The following SLC5A7 variants were observed in gnomAD, a reference collection of about 807,000 sequenced individuals.
The protein encoded by SLC5A7 is high affinity choline transporter 1.
In SLC5A7, 19 loss-of-function variants were observed where a neutral mutation model predicts 55.4. That is an observed-to-expected ratio of 0.34 (90% CI 0.24 to 0.50). The LOEUF (loss-of-function observed/expected upper bound fraction) is 0.50. SLC5A7 is among the 20% of genes least tolerant of loss of function. SLC5A7 has a pLI of 0.98. For synonymous variants in SLC5A7, 265 were observed against 263.7 expected (o/e 1.00, Z -0.05); for missense variants, 506 against 705.3 (o/e 0.72, Z 3.20).
rs186691647 is a variant in SLC5A7 at position 107,988,238 on chromosome 2, G to A, written c.83G>A (p.Arg28Lys). ...ILLVGIWAAW[R>K]TKNSGSAEER... is the part of the protein sequence containing the mutation. ...CTGGTTGGAATATGGGCTGCCTGGA[G>A]AACCAAAAACAGTGGCAGCGCAGAA... Residue 28 changes from arginine to lysine, a missense_variant, in exon 2 of 9, where the codon AGA becomes AAA. Arg to Lys is a conservative substitution (Grantham distance 26). Around this residue, in one of 4 missense-constraint regions of SLC5A7, gnomAD observed 56 missense variants for 62.6 expected, o/e 0.89. Coordinates refer to ENST00000264047, the MANE Select transcript of SLC5A7 (RefSeq NM_021815.5). 6.2e-7 allele frequency: 1 copy of A among 1,614,178 alleles called. No individual in the cohort carries two copies. Among genetic ancestry groups the A allele is most frequent in the East Asian group, 2.2e-5 (1 of 44,878 alleles).
At chr2:107,988,989 AG>A (rs1573588083) in intron 2 of SLC5A7, among the ~76,000 whole-genome samples, 1 of 152,244 alleles carries the variant, frequency 6.6e-6, no homozygotes, top group African/African-American at 2.4e-5. Context: ...AGGAATCCCC[AG>A]GCCACCATCT....
chr2:107,989,072 G>C (rs1465052621), intron 2 of SLC5A7, among the ~76,000 whole-genome samples: 9 of 152,106 alleles, frequency 5.9e-5, no homozygotes, highest in Admixed American at 5.9e-4. Flanking sequence ...GCACTAAAGT[G>C]GTTCTGTTTA....
rs1678366641 is a variant in SLC5A7 at position 108,012,422 on chromosome 2, A to T, written c.*1561A>T. 6.6e-6 allele frequency: 1 copy of T among 152,194 alleles called. No individual in the cohort carries two copies. The highest frequency in any genetic ancestry group is 1.5e-5 in the Non-Finnish European group (1 of 68,020). The allele number at this position is 152,194 out of a possible 1,614,324, so 9.4% of individuals were successfully genotyped here. On this transcript the variant is annotated 3_prime_UTR_variant, in exon 9 of 9. Transcript: ENST00000264047. The stretch of plus-strand genomic sequence containing the variant: ...GAAGTTAACTTAGTGTTTAGCATTA[A>T]AAATAAAAGTTGTACCTTGACCCTA...
In SLC5A7 at chr2:108,006,127, TC is replaced by T; in HGVS notation, c.822del (p.Phe275SerfsTer9). 1 of 1,614,140 alleles carries T rather than the reference TC, an allele frequency of 6.2e-7. No individual in the cohort carries two copies. The highest frequency in any genetic ancestry group is 8.5e-7 in the Non-Finnish European group (1 of 1,180,012). On this transcript the variant is annotated frameshift_variant, in exon 7 of 9. Coordinates refer to ENST00000264047, the MANE Select transcript of SLC5A7 (RefSeq NM_021815.5). LOFTEE classifies it high-confidence loss of function. ...SSSATYAQVL[S>X]FLAAFGCLVM... The stretch of plus-strand genomic sequence containing the variant: ...CTCAGCCACCTATGCTCAAGTGCTG[TC>T]CTTCCTGGCAGCTTTCGGGTGCCTG...
At chr2:107,994,674 T>C (rs1297977015) in intron 4 of SLC5A7, among the ~76,000 whole-genome samples, 3 of 152,218 alleles carry the variant, frequency 2.0e-5, no homozygotes, top group Non-Finnish European at 4.4e-5. Flanking sequence ...GCTGCTCTTA[T>C]GTTCTAATGA....
chr2:108,005,426 CAAATT>C (rs1678070894), intron 6 of SLC5A7, among the ~76,000 whole-genome samples: 1 of 152,126 alleles, frequency 6.6e-6, no homozygotes, highest in Non-Finnish European at 1.5e-5. Context: ...CAGATGATAA[CAAATT>C]GAAGGCCTCT....
Position 108,012,379 on chromosome 2 carries a change from G to GC in SLC5A7, c.*1519dup, listed in dbSNP as rs1678365395. 1 of 152,086 alleles carries GC rather than the reference G, an allele frequency of 6.6e-6. No homozygotes were observed. The highest frequency in any genetic ancestry group is 2.4e-5 in the African/African-American group (1 of 41,436). The allele number at this position is 152,086 out of a possible 1,614,324, so 9.4% of individuals were successfully genotyped here. A position where few individuals can be genotyped will look rare whatever the true frequency, so the allele number is the denominator to read the frequency against. The stretch of plus-strand genomic sequence containing the variant: ...GCACTTCTTTTCCAAAAATACTTCT[G>GC]CAACTCATGAACAAAATGAAGTTAA... On this transcript the variant is annotated 3_prime_UTR_variant, in exon 9 of 9. Coordinates refer to ENST00000264047, the MANE Select transcript of SLC5A7 (RefSeq NM_021815.5).
intron 5 of SLC5A7, among the ~76,000 whole-genome samples, chr2:107,999,234 T>C (rs1677793338): frequency 6.6e-6 from 1 of 152,222 alleles, no homozygotes; most frequent in African/African-American, 2.4e-5. Flanking sequence ...GCTGAAATTC[T>C]GATTTTTCCT....
chr2:107,998,906 C>G (rs546901781), intron 5 of SLC5A7, among the ~76,000 whole-genome samples: 1 of 152,114 alleles, frequency 6.6e-6, no homozygotes, highest in Non-Finnish European at 1.5e-5. Context: ...TTATATTTTA[C>G]TTTTGACACT....
chr2:107,999,540 G>A (rs925177325), intron 5 of SLC5A7, among the ~76,000 whole-genome samples: 1 of 152,208 alleles, frequency 6.6e-6, no homozygotes, highest in African/African-American at 2.4e-5. Context: ...TAGCCAAATT[G>A]ATAAGGAATG....
Position 108,006,102 on chromosome 2 carries a change from C to T in SLC5A7, c.795C>T (p.Ser265=), listed in dbSNP as rs768552057. The change falls in exon 7 of 9, where the codon TCC becomes TCT. Residue 265 remains serine, a synonymous_variant. Transcript: ENST00000264047. ...ACTTTCAGAGGGTTCTCTCTTCTTC[C>T]TCAGCCACCTATGCTCAAGTGCTGT... ...QAYFQRVLSS[S]SATYAQVLSF... 9 of 1,614,154 alleles carry T rather than the reference C, an allele frequency of 5.6e-6. No homozygotes were observed. The highest frequency in any genetic ancestry group is 1.1e-5 in the South Asian group (1 of 91,084).
chr2:108,006,519 C>T (rs974293118), intron 7 of SLC5A7, among the ~76,000 whole-genome samples: 2 of 151,776 alleles, frequency 1.3e-5, no homozygotes, highest in Admixed American at 6.6e-5. Flanking sequence ...TGCGCCCAGC[C>T]TCCAATTTTT....
rs1485965477 is a variant in SLC5A7 at position 108,010,225 on chromosome 2, C to G, written c.1114-7C>G. 1.2e-6 allele frequency: 2 copies of G among 1,608,796 alleles called. No homozygotes were observed. The highest frequency in any genetic ancestry group is 3.4e-5 in the Admixed American group (2 of 59,648). On this transcript the variant is annotated splice_polypyrimidine_tract_variant and splice_region_variant and intron_variant, in intron 8 of 8. Transcript: ENST00000264047. ...CAAAAAGCTGACACTGTGGCAATTTCTTACAGGCTTCGGACAAAGAAATCG... is the reference window on the plus strand; with the variant it reads ...CAAAAAGCTGACACTGTGGCAATTTGTTACAGGCTTCGGACAAAGAAATCG...
intron 5 of SLC5A7, among the ~76,000 whole-genome samples, chr2:108,001,432 G>C (rs957024067): frequency 1.1e-4 from 17 of 152,186 alleles, no homozygotes; most frequent in African/African-American, 3.9e-4. Flanking sequence ...CCAGCACTTT[G>C]GGAGGCCGAG....
intron 6 of SLC5A7, among the ~76,000 whole-genome samples, chr2:108,003,857 A>G (rs1678008813): frequency 1.3e-5 from 2 of 152,178 alleles, no homozygotes; most frequent in African/African-American, 4.8e-5. Flanking sequence ...TATAATTTTT[A>G]TAATTCTGGA....
At chr2:107,992,941 A>G (rs757745075) in intron 3 of SLC5A7, 31 bp from the exon 4 acceptor site, 23 of 1,604,716 alleles carry the variant, frequency 1.4e-5, no homozygotes, top group Non-Finnish European at 1.9e-5. Flanking sequence ...CATTCTTTTT[A>G]TTTTCTCCTA....
At chr2:107,989,904 G>A (rs1677384234) in intron 2 of SLC5A7, among the ~76,000 whole-genome samples, 1 of 151,728 alleles carries the variant, frequency 6.6e-6, no homozygotes, top group Non-Finnish European at 1.5e-5. Flanking sequence ...AACCTAACAA[G>A]CTATTAAAAG....
Position 108,001,978 on chromosome 2 carries a change from C to G in SLC5A7, c.679C>G (p.Pro227Ala), listed in dbSNP as rs1035258430. ...TGCTGTGCATGCCAAATACCAAAAG[C>G]CGTGGCTGGGAACTGTTGACTCATC... ...FTAVHAKYQK[P>A]WLGTVDSSEV... Residue 227 changes from proline (P) to alanine (A), a missense_variant, in exon 6 of 9, where the codon CCG becomes GCG. This residue lies in a region of SLC5A7 where 309 missense variants were observed against 478.6 expected (regional missense o/e 0.65). Coordinates refer to ENST00000264047, the MANE Select transcript of SLC5A7 (RefSeq NM_021815.5). 3.7e-6 allele frequency: 6 copies of G among 1,614,092 alleles called. No individual in the cohort carries two copies. In the Admixed American group the frequency reaches 8.3e-5, roughly 22 times the overall value.
At chr2:107,996,148 T>C (rs888119607) in intron 4 of SLC5A7, among the ~76,000 whole-genome samples, 1 of 152,176 alleles carries the variant, frequency 6.6e-6, no homozygotes, top group East Asian at 1.9e-4. Flanking sequence ...AGAAGCGTTA[T>C]TAAAGTGGAG....
Sources: gnomAD v4.1 joint callset for allele counts (sites outside exome capture counted in the v4.1 genomes callset) on GRCh38, gnomAD v4.1.1 for gene constraint, gnomAD v4.1.1 regional missense constraint, MANE v1.5 for transcripts, NCBI Gene and HGNC (gene_info 2026-07-23, HGNC 2026-07-21) for gene names.